SAMD4B: variants seen among roughly 807,000 people sequenced by gnomAD.
SAMD4B encodes protein Smaug homolog 2.
A neutral mutation model predicts 74.5 loss-of-function variants in SAMD4B; 5 were observed. The observed-to-expected ratio is 0.07, with a 90% confidence interval of 0.04 to 0.14. SAMD4B has a LOEUF of 0.14. Ranked by LOEUF, SAMD4B falls within the 10% of genes least tolerant of loss-of-function variation. SAMD4B has a pLI of 1.00. For missense variants in SAMD4B, 608 were observed against 921.8 expected, an observed-to-expected ratio of 0.66 and a Z score of 4.41; for synonymous variants, 373 against 374.9, an observed-to-expected ratio of 1.00 and a Z score of 0.06.
intron 3 of SAMD4B, among the ~76,000 whole-genome samples, chr19:39,361,391 C>T (rs533708101): frequency 1.2e-3 from 182 of 151,862 alleles, no homozygotes; most frequent in Middle Eastern, 3.4e-3. Context: ...CCGAGGCAGG[C>T]GGATCATGAG....
At chr19:39,389,059 C>A (rs776610547), downstream of SAMD4B, 12 of 1,612,340 alleles carry the variant, frequency 7.4e-6, no homozygotes, top group South Asian at 6.6e-5. The surrounding 1 kb of genome is among the most constrained non-coding windows in gnomAD (Gnocchi z 5.3). Context: ...TGCAGCCGCA[C>A]CCTTGCCTCT....
At chr19:39,388,477 A>G (rs745546106), downstream of SAMD4B, 1 of 1,614,148 alleles carries the variant, frequency 6.2e-7, no homozygotes, top group South Asian at 1.1e-5. Context: ...CCTGAAGATG[A>G]GGGCACAGGT....
At chr19:39,390,681 T>A, downstream of SAMD4B, 1 of 922,424 alleles carries the variant, frequency 1.1e-6, no homozygotes, top group Non-Finnish European at 1.7e-6. Context: ...CACCTGAATC[T>A]CAGAAGGAAC....
At position 39,376,799 on chromosome 19, in the gene SAMD4B, C is replaced by T. The variant is rs375286429; in HGVS notation, c.1104+8C>T. The T allele has an allele frequency of 9.3e-6, 15 of 1,612,946 alleles. No homozygotes were observed. The highest frequency in any genetic ancestry group is 1.2e-5 in the Non-Finnish European group (14 of 1,179,084). On this transcript the variant is annotated splice_region_variant and intron_variant, in intron 7 of 13. Transcript: ENST00000610417. ...CTCAAGTCCCTAGAGAAGGTGAGGA[C>T]CTGGTTTCTGCATCTTCAAGGCCAG...
intron 12 of SAMD4B, among the ~76,000 whole-genome samples, chr19:39,381,607 T>C (rs1408520854): frequency 6.6e-6 from 1 of 152,076 alleles, no homozygotes; most frequent in African/African-American, 2.4e-5. Context: ...AGAGGGCTGT[T>C]TTGACCTCTG....
chr19:39,377,267 GC>G (rs2077657888), intron 7 of SAMD4B, among the ~76,000 whole-genome samples: 1 of 152,110 alleles, frequency 6.6e-6, no homozygotes, highest in Non-Finnish European at 1.5e-5. Context: ...CATTAGACTG[GC>G]TTTTCGTGAG....
Position 39,378,673 on chromosome 19 carries a change from C to T in SAMD4B, c.1530+84C>T, listed in dbSNP as rs989662137. The T allele has an allele frequency of 1.1e-5, 12 of 1,133,420 alleles. No individual in the cohort carries two copies. The Admixed American group carries it at 1.1e-4, about 11-fold the overall frequency. 70.2% of individuals were successfully genotyped at this position (1,133,420 alleles called of 1,614,324 possible). A position where few individuals can be genotyped will look rare whatever the true frequency, so the allele number is the denominator to read the frequency against. ...CCTGTAGTCCCAGCACTTCGGCCAC[C>T]GAGGCGGGCGGATCATGAGGTCAGG... On this transcript the variant is annotated intron_variant, in intron 9 of 13. Coordinates refer to ENST00000610417, the MANE Select transcript of SAMD4B (RefSeq NM_001384574.2). This position sits in a 1 kb window ranked among gnomAD's most constrained non-coding sequence, Gnocchi z 4.4.
chr19:39,382,765 G>A (rs1568368420), intron 12 of SAMD4B, among the ~76,000 whole-genome samples: 2 of 152,304 alleles, frequency 1.3e-5, no homozygotes, highest in South Asian at 4.1e-4. Flanking sequence ...ATTGAATCCT[G>A]CCCAGAGGAG....
chr19:39,363,526 C>T (rs1192528627), intron 3 of SAMD4B, among the ~76,000 whole-genome samples: 1 of 152,182 alleles, frequency 6.6e-6, no homozygotes, highest in Non-Finnish European at 1.5e-5. Flanking sequence ...CTAGATTCAA[C>T]GAGGAGCAAC....
downstream of SAMD4B, chr19:39,386,865 C>CTCACTGGGGGGCGGGGAA: frequency 9.2e-7 from 1 of 1,082,044 alleles, no homozygotes; most frequent in Non-Finnish European, 1.4e-6. This position sits in a 1 kb window ranked among gnomAD's most constrained non-coding sequence, Gnocchi z 6.1. Context: ...CCCACTTCCC[C>CTCACTGGGGGGCGGGGAA]GCCCCCCAGT....
chr19:39,347,346 GC>G (rs2075762437), intron 1 of SAMD4B, among the ~76,000 whole-genome samples: 1 of 152,210 alleles, frequency 6.6e-6, no homozygotes, highest in Non-Finnish European at 1.5e-5. Flanking sequence ...GTGAGATTAT[GC>G]CAGAAGATCC....
At chr19:39,387,040 G>A (rs762475384), downstream of SAMD4B, 12 of 578,828 alleles carry the variant, frequency 2.1e-5, no homozygotes, top group Non-Finnish European at 3.4e-5. Flanking sequence ...TGTGTTATAC[G>A]GTGTATTTAC....
At position 39,378,677 on chromosome 19, in the gene SAMD4B, G is replaced by A. The variant is rs2077752861; in HGVS notation, c.1530+88G>A. On this transcript the variant is annotated intron_variant, in intron 9 of 13. Transcript: ENST00000610417. This position sits in a 1 kb window ranked among gnomAD's most constrained non-coding sequence, Gnocchi z 4.4. ...TAGTCCCAGCACTTCGGCCACCGAGGCGGGCGGATCATGAGGTCAGGAGAT... is the reference window on the plus strand; with the variant it reads ...TAGTCCCAGCACTTCGGCCACCGAGACGGGCGGATCATGAGGTCAGGAGAT... 2.7e-6 allele frequency: 3 copies of A among 1,101,716 alleles called. No homozygotes were observed. The South Asian group carries it at 3.9e-5, about 14-fold the overall frequency. The allele number at this position is 1,101,716 out of a possible 1,614,324, so 68.2% of individuals were successfully genotyped here. A position where few individuals can be genotyped will look rare whatever the true frequency, so the allele number is the denominator to read the frequency against.
intron 3 of SAMD4B, among the ~76,000 whole-genome samples, chr19:39,365,963 G>A (rs1202120233): frequency 6.6e-6 from 1 of 152,182 alleles, no homozygotes; most frequent in Non-Finnish European, 1.5e-5. Context: ...CACTTTGGGA[G>A]GCTGAGGTGG....
At chr19:39,362,107 G>T (rs2076690782) in intron 3 of SAMD4B, among the ~76,000 whole-genome samples, 1 of 152,162 alleles carries the variant, frequency 6.6e-6, no homozygotes, top group South Asian at 2.1e-4. Flanking sequence ...GGTCAGAGCT[G>T]CCCAGTTGTC....
In SAMD4B at chr19:39,378,460, G is replaced by T; in HGVS notation, c.1445-44G>T. 1.3e-6 allele frequency: 2 copies of T among 1,564,622 alleles called. No homozygotes were observed. Among genetic ancestry groups the T allele is most frequent in the East Asian group, 2.2e-5 (1 of 44,594 alleles). On this transcript the variant is annotated intron_variant, in intron 8 of 13. Transcript: ENST00000610417. The surrounding 1 kb of genome is among the most constrained non-coding windows in gnomAD (Gnocchi z 4.4). ...GCTGGAGGCTGGAACATGGCAGAGG[G>T]CATACTAGGGGTTAACCTCCTGCCC...
chr19:39,385,698 G>C lies in SAMD4B; in HGVS notation c.*2171G>C. On this transcript the variant is annotated 3_prime_UTR_variant, in exon 14 of 14. Coordinates refer to ENST00000610417, the MANE Select transcript of SAMD4B (RefSeq NM_001384574.2). ...AAAAAAAAAAACAAACAAAAAAAAC[G>C]AATTCTGACCTTCGTTGTGCTACAT... The C allele has an allele frequency of 3.9e-6, 2 of 515,934 alleles. No individual in the cohort carries two copies. Among genetic ancestry groups the C allele is most frequent in the Non-Finnish European group, 6.8e-6 (2 of 294,816 alleles). 32.0% of individuals were successfully genotyped at this position (515,934 alleles called of 1,614,324 possible).
intron 1 of SAMD4B, among the ~76,000 whole-genome samples, chr19:39,348,020 C>G (rs1010460764): frequency 5.3e-5 from 8 of 152,058 alleles, no homozygotes; most frequent in African/African-American, 1.7e-4. Flanking sequence ...CTGTAGTAGA[C>G]AGGGGGATCA....
In SAMD4B at chr19:39,375,927, G is replaced by A; in HGVS notation, c.907+38G>A. 3 of 1,589,790 alleles carry A rather than the reference G, an allele frequency of 1.9e-6. No individual in the cohort carries two copies. The highest frequency in any genetic ancestry group is 2.6e-6 in the Non-Finnish European group (3 of 1,171,494). On this transcript the variant is annotated intron_variant, in intron 5 of 13. Transcript: ENST00000610417. This position sits in a 1 kb window ranked among gnomAD's most constrained non-coding sequence, Gnocchi z 4.1. ...CAGCAGCACCAGGACCCTTTTCCAG[G>A]GGCTTCTGCAGAGCTTAGAGGACAG...
Sources: gnomAD v4.1 joint callset for allele counts (sites outside exome capture counted in the v4.1 genomes callset) on GRCh38, gnomAD v4.1.1 for gene constraint, Gnocchi (gnomAD v3.1) non-coding constraint, MANE v1.5 for transcripts, NCBI Gene and HGNC (gene_info 2026-07-23, HGNC 2026-07-21) for gene names.